PSD3: variants seen among roughly 807,000 people sequenced by gnomAD.
PSD3 encodes the protein PH and SEC7 domain-containing protein 3.
PSD3 carries 49 observed loss-of-function variants against 105.5 expected under a neutral mutation model. The ratio of observed to expected loss-of-function variants is 0.46; its 90% CI spans 0.37 to 0.59. The LOEUF is 0.59. Among genes scored for constraint, PSD3 ranks in the 20% least tolerant of loss-of-function variants. PSD3 has a pLI of 0.00. For synonymous variants in PSD3, 557 were observed against 457.8 expected (o/e 1.22, Z -2.77); for missense variants, 1,561 against 1,263.8 (o/e 1.24, Z -3.57).
chr8:19,075,579 C>T (rs1188774642), intron 1 of PSD3, among the ~76,000 whole-genome samples: 2 of 152,202 alleles, frequency 1.3e-5, no homozygotes, highest in Admixed American at 1.3e-4. Context: ...TCCTCTTTCA[C>T]CCTGATGGCC....
intron 9 of PSD3, chr8:18,683,976 C>T (rs1293198036): frequency 1.3e-6 from 1 of 741,086 alleles, no homozygotes; most frequent in African/African-American, 1.7e-5. Context: ...AATAAAAAGG[C>T]ACTTTCCAAC....
At chr8:18,589,798 T>C (rs1803461695) in intron 12 of PSD3, among the ~76,000 whole-genome samples, 2 of 152,100 alleles carry the variant, frequency 1.3e-5, no homozygotes, top group Admixed American at 1.3e-4. Context: ...AAAGAAACTC[T>C]GGAGCTGAAA....
intron 10 of PSD3, among the ~76,000 whole-genome samples, chr8:18,649,326 G>C (rs550828431): frequency 1.3e-5 from 2 of 152,184 alleles, no homozygotes. Context: ...TATAAGAAAT[G>C]GAGTCAAAGC....
intron 9 of PSD3, among the ~76,000 whole-genome samples, chr8:18,656,350 G>A (rs950629521): frequency 3.0e-5 from 4 of 134,186 alleles, no homozygotes; most frequent in African/African-American, 1.2e-4. Context: ...GAGCCACTGT[G>A]TCTGGCTGCT....
intron 1 of PSD3, among the ~76,000 whole-genome samples, chr8:18,956,448 C>A (rs1312768500): frequency 2.0e-5 from 3 of 152,146 alleles, no homozygotes; most frequent in Admixed American, 2.0e-4. Context: ...GATGATTACA[C>A]TGGAGAGGCA....
At chr8:19,076,474 A>G (rs2063077) in intron 1 of PSD3, among the ~76,000 whole-genome samples, 145,826 of 152,144 alleles carry the variant, frequency 0.96, 70,232 homozygotes, top group East Asian at 1. Context: ...AGTGGGAGAG[A>G]TGCAAATATA....
chr8:19,006,978 G>C (rs953977000), intron 1 of PSD3, among the ~76,000 whole-genome samples: 4 of 151,988 alleles, frequency 2.6e-5, no homozygotes, highest in Non-Finnish European at 5.9e-5. Flanking sequence ...CAGCCAGCTG[G>C]GCCCAGTGGC....
intron 1 of PSD3, among the ~76,000 whole-genome samples, chr8:18,956,857 G>A (rs1487225349): frequency 1.3e-5 from 2 of 152,064 alleles, no homozygotes; most frequent in East Asian, 3.9e-4. Context: ...CTCATCAGCT[G>A]AGGCCACACC....
intron 1 of PSD3, 23 bp downstream of exon 1, chr8:19,013,540 C>T (rs1406529575): frequency 3.2e-6 from 5 of 1,572,926 alleles, no homozygotes; most frequent in Admixed American, 1.7e-5. Flanking sequence ...ACCCCGCGCC[C>T]GCGCCCCGGC....
At chr8:18,884,727 T>C (rs1276534200) in intron 2 of PSD3, among the ~76,000 whole-genome samples, 1 of 152,180 alleles carries the variant, frequency 6.6e-6, no homozygotes, top group Admixed American at 6.5e-5. Context: ...TTTCCCCAAG[T>C]GATTAATAGT....
intron 8 of PSD3, among the ~76,000 whole-genome samples, chr8:18,768,497 C>T (rs985656723): frequency 1.3e-5 from 2 of 151,946 alleles, no homozygotes; most frequent in African/African-American, 4.8e-5. Context: ...ACTCTGGAGG[C>T]TGAGGGGCAA....
At chr8:18,647,981 T>G (rs1258192644) in intron 10 of PSD3, among the ~76,000 whole-genome samples, 1 of 152,200 alleles carries the variant, frequency 6.6e-6, no homozygotes, top group East Asian at 1.9e-4. Context: ...GCTGAGCAGA[T>G]GCCAGCACCA....
intron 7 of PSD3, among the ~76,000 whole-genome samples, chr8:18,799,699 G>C (rs977741208): frequency 1.6e-4 from 24 of 152,090 alleles, no homozygotes; most frequent in African/African-American, 5.6e-4. Flanking sequence ...AGGATATCCA[G>C]ACAAGCATTG....
At chr8:18,805,013 AC>A (rs1162332054) in intron 4 of PSD3, 115 bp from the exon 5 acceptor site, 1 of 880,524 alleles carries the variant, frequency 1.1e-6, no homozygotes, top group African/African-American at 1.7e-5. Flanking sequence ...AGATGAGATC[AC>A]TGTATGTTTA....
chr8:18,692,581 T>C (rs1801030059), intron 9 of PSD3, among the ~76,000 whole-genome samples: 1 of 152,100 alleles, frequency 6.6e-6, no homozygotes, highest in Non-Finnish European at 1.5e-5. Context: ...GAGAAATATA[T>C]TTAAGAAGGA....
At chr8:18,689,935 A>G (rs1276761926) in intron 9 of PSD3, among the ~76,000 whole-genome samples, 1 of 152,230 alleles carries the variant, frequency 6.6e-6, no homozygotes, top group Non-Finnish European at 1.5e-5. Flanking sequence ...CCAGGAGCTC[A>G]TAACTATGAA....
chr8:18,802,220 T>C (rs1253721552), intron 6 of PSD3: 2 of 239,384 alleles, frequency 8.4e-6, no homozygotes, highest in Non-Finnish European at 1.8e-5. Flanking sequence ...GGAATTAGTT[T>C]ATGTATAAAA....
rs541162999 is a variant in PSD3, at chr8:18,561,707, A to T, written c.2785-5355T>A. 5.9e-5 allele frequency among the ~76,000 whole-genome samples: 9 copies of T among 152,240 alleles called. No individual in the cohort carries two copies. In the South Asian group the frequency reaches 1.7e-3, roughly 28 times the overall value. On this transcript the variant is annotated intron_variant, in intron 14 of 15. Coordinates refer to ENST00000327040, the MANE Select transcript of PSD3 (RefSeq NM_015310.4). The stretch of plus-strand genomic sequence containing the variant: ...ATTAAAATTGTTAAAAAAATATTTA[A>T]TTTTTTTCCTATTTATATAGTACTT...
intron 8 of PSD3, among the ~76,000 whole-genome samples, chr8:18,775,742 G>A (rs1168237306): frequency 6.6e-6 from 1 of 152,064 alleles, no homozygotes; most frequent in African/African-American, 2.4e-5. Context: ...CTTTTCAAAT[G>A]GATAGCTCAA....
Sources: allele counts gnomAD v4.1 joint callset (sites outside exome capture counted in the v4.1 genomes callset), GRCh38; gene constraint gnomAD v4.1.1; transcripts MANE v1.5; gene names NCBI Gene and HGNC (gene_info 2026-07-23, HGNC 2026-07-21).